Variants in CAPN1 observed in about 807,000 individuals in gnomAD.
The protein encoded by CAPN1 is calpain-1 catalytic subunit.
In CAPN1, 77 loss-of-function variants were observed where a neutral mutation model predicts 105.2. The ratio of observed to expected loss-of-function variants is 0.73; its 90% CI spans 0.61 to 0.88. The LOEUF (loss-of-function observed/expected upper bound fraction) is 0.88, where lower values mean the gene tolerates loss of function less well. Ranked by LOEUF, CAPN1 falls within the 40% of genes least tolerant of loss-of-function variation. The pLI, the probability that CAPN1 is intolerant of heterozygous loss-of-function variation, is 0.00. For missense variants in CAPN1, 833 were observed against 976.6 expected (o/e 0.85, Z 1.96); for synonymous variants, 355 against 388.8 (o/e 0.91, Z 1.02).
chr11:65,182,656 G>T (rs1209506787), intron 1 of CAPN1, 45 bp from the exon 2 acceptor site: 2 of 1,471,088 alleles, frequency 1.4e-6, no homozygotes, highest in Admixed American at 2.5e-5. Flanking sequence ...CCAGGTTCTA[G>T]TCTTGGGAAG....
intron 10 of CAPN1, among the ~76,000 whole-genome samples, chr11:65,193,644 C>CAAAA (rs34729975): frequency 2.9e-4 from 17 of 58,458 alleles, no homozygotes; most frequent in East Asian, 6.7e-4. Flanking sequence ...GACTCTGTCT[C>CAAAA]AAAAAAAAAA....
chr11:65,206,597 G>T lies in CAPN1; in HGVS notation c.1488G>T (p.Val496=), dbSNP rs1214393911. 1.9e-6 allele frequency: 3 copies of T among 1,613,334 alleles called. No homozygotes were observed. The African/African-American group carries it at 4.0e-5, about 22-fold the overall frequency. The change falls in exon 13 of 22, where the codon GTG becomes GTT. Residue 496 remains valine, a synonymous_variant. Coordinates refer to ENST00000279247, the MANE Select transcript of CAPN1 (RefSeq NM_005186.4). Reference sequence around the variant, plus strand: ...GCCTGCCACCCGGGGAGTATGTGGTGGTGCCCTCCACCTTCGAGCCCAACA... The same window carrying T: ...GCCTGCCACCCGGGGAGTATGTGGTTGTGCCCTCCACCTTCGAGCCCAACA... ...RFRLPPGEYV[V]VPSTFEPNKE... is the part of the protein sequence containing the mutation.
At chr11:65,182,304 G>C in intron 1 of CAPN1, 1 of 172,464 alleles carries the variant, frequency 5.8e-6, no homozygotes, top group Non-Finnish European at 1.2e-5. Context: ...TGCACCAGGA[G>C]CTTGGTTAGT....
chr11:65,184,334 C>A (rs1293982975), intron 4 of CAPN1, among the ~76,000 whole-genome samples: 1 of 152,202 alleles, frequency 6.6e-6, no homozygotes, highest in Non-Finnish European at 1.5e-5. Flanking sequence ...CAGCGCCACA[C>A]CCACCTGCTC....
intron 10 of CAPN1, among the ~76,000 whole-genome samples, chr11:65,190,862 G>A (rs1948710921): frequency 6.6e-6 from 1 of 151,982 alleles, no homozygotes; most frequent in African/African-American, 2.4e-5. Context: ...ACAGGTGCCC[G>A]CCACCACATC....
rs61489102 is a variant in CAPN1, at chr11:65,202,324, T to A, written c.1166-2359T>A. 6.4e-4 allele frequency among the ~76,000 whole-genome samples: 97 copies of A among 152,352 alleles called. 1 individual carries two copies. In the East Asian group the frequency reaches 0.016, roughly 25 times the overall value. On this transcript the variant is annotated intron_variant, in intron 10 of 21. Coordinates refer to ENST00000279247, the MANE Select transcript of CAPN1 (RefSeq NM_005186.4). ...TTCTATTTTTTAAAAATATCTTTATTGATACTTAATTCACATACCATACAA... is the reference window on the plus strand; with the variant it reads ...TTCTATTTTTTAAAAATATCTTTATAGATACTTAATTCACATACCATACAA...
rs1164222426 is a variant in CAPN1 at position 65,209,500 on chromosome 11, GAC to G, written c.1794+119_1794+120del. 1.2e-5 allele frequency: 11 copies of G among 896,612 alleles called. No individual in the cohort carries two copies. Among genetic ancestry groups the G allele is most frequent in the Middle Eastern group, 2.2e-4 (1 of 4,632 alleles). The allele number at this position is 896,612 out of a possible 1,614,324, so 55.5% of individuals were successfully genotyped here. ...ACAGGACAGAGCCATGCGGAGTGTG[GAC>G]ACACAGTGCCCCATGCTCAGATGTC... On this transcript the variant is annotated intron_variant, in intron 17 of 21. Coordinates refer to ENST00000279247, the MANE Select transcript of CAPN1 (RefSeq NM_005186.4). The surrounding 1 kb of genome is among the most constrained non-coding windows in gnomAD (Gnocchi z 4.1).
intron 10 of CAPN1, among the ~76,000 whole-genome samples, chr11:65,201,822 TTTTTG>T (rs773505153): frequency 1.2e-4 from 16 of 133,260 alleles, no homozygotes; most frequent in Admixed American, 4.5e-4. Flanking sequence ...CCGGCTTTTG[TTTTTG>T]TTTTTTTTTT....
chr11:65,184,439 ACT>A (rs17883638), intron 4 of CAPN1, among the ~76,000 whole-genome samples: 16,493 of 148,410 alleles, frequency 0.11, 1,009 homozygotes, highest in East Asian at 0.23. Context: ...CGCCACCCAC[ACT>A]CTCCGCAACC....
Position 65,187,261 on chromosome 11 carries a change from T to C in CAPN1, c.806T>C (p.Val269Ala), listed in dbSNP as rs375516742. Residue 269 changes from valine (V) to alanine (A), a missense_variant, in exon 7 of 22, where the codon GTG becomes GCG. Transcript: ENST00000279247. Reference sequence around the variant, plus strand: ...GAGGCCATCACTTTCAAGAAGTTGGTGAAGGGCCATGCCTACTCTGTGACC... The same window carrying C: ...GAGGCCATCACTTTCAAGAAGTTGGCGAAGGGCCATGCCTACTCTGTGACC... The part of the protein sequence containing the change: ...DMEAITFKKL[V>A]KGHAYSVTGA... 1.9e-5 allele frequency: 30 copies of C among 1,613,422 alleles called. No individual in the cohort carries two copies. The highest frequency in any genetic ancestry group is 2.3e-5 in the Non-Finnish European group (27 of 1,179,612).
At chr11:65,191,692 T>C (rs1453247968) in intron 10 of CAPN1, among the ~76,000 whole-genome samples, 1 of 152,206 alleles carries the variant, frequency 6.6e-6, no homozygotes, top group Non-Finnish European at 1.5e-5. Flanking sequence ...GGTTTTCTAA[T>C]TAGGAATATA....
At chr11:65,192,826 C>T (rs576302066) in intron 10 of CAPN1, among the ~76,000 whole-genome samples, 2 of 151,896 alleles carry the variant, frequency 1.3e-5, no homozygotes, top group Admixed American at 6.6e-5. Context: ...AGGCTTATCT[C>T]GAATTCCTGG....
chr11:65,207,494 C>T (rs1948979006), intron 14 of CAPN1, among the ~76,000 whole-genome samples: 1 of 151,774 alleles, frequency 6.6e-6, no homozygotes, highest in Non-Finnish European at 1.5e-5. Context: ...GCCACCGCAC[C>T]TGGCCCAAAC....
chr11:65,188,245 C>G lies in CAPN1; in HGVS notation c.930-169C>G. On this transcript the variant is annotated intron_variant, in intron 8 of 21. Transcript: ENST00000279247. This position sits in a 1 kb window ranked among gnomAD's most constrained non-coding sequence, Gnocchi z 5.5. ...CAGCCGTCGGGTGTGTGCAGGGCAT[C>G]AGACTGGCCCTGATGAGACCACCCC... The G allele has an allele frequency of 1.4e-6, 1 of 696,444 alleles. No homozygotes were observed. Among genetic ancestry groups the G allele is most frequent in the Non-Finnish European group, 2.4e-6 (1 of 416,136 alleles). The allele number at this position is 696,444 out of a possible 1,614,324, so 43.1% of individuals were successfully genotyped here.
Position 65,210,106 on chromosome 11 carries a change from C to T in CAPN1, c.1942+10C>T. The stretch of plus-strand genomic sequence containing the variant: ...GCCATTGAGTCGGCAGGTGAGACTC[C>T]AAGGCTGACGGCACCTGTGGGGCCC... On this transcript the variant is annotated intron_variant, in intron 19 of 21. Coordinates refer to ENST00000279247, the MANE Select transcript of CAPN1 (RefSeq NM_005186.4). The surrounding 1 kb of genome is among the most constrained non-coding windows in gnomAD (Gnocchi z 4.3). 6.2e-7 allele frequency: 1 copy of T among 1,608,598 alleles called. No homozygotes were observed. Among genetic ancestry groups the T allele is most frequent in the Non-Finnish European group, 8.5e-7 (1 of 1,176,458 alleles).
At chr11:65,202,031 G>A (rs983085569) in intron 10 of CAPN1, among the ~76,000 whole-genome samples, 2 of 150,758 alleles carry the variant, frequency 1.3e-5, no homozygotes, top group Non-Finnish European at 2.9e-5. Context: ...TACCATGTTG[G>A]CCAGGCTGGT....
At chr11:65,189,489 A>G (rs1448246563) in intron 10 of CAPN1, among the ~76,000 whole-genome samples, 1 of 151,826 alleles carries the variant, frequency 6.6e-6, no homozygotes, top group African/African-American at 2.4e-5. Context: ...TCTTGCAAAC[A>G]CCCGCTCTCT....
intron 4 of CAPN1, among the ~76,000 whole-genome samples, chr11:65,184,064 AC>A (rs1479190167): frequency 1.3e-5 from 2 of 152,100 alleles, no homozygotes. Flanking sequence ...GCTTTTCCTG[AC>A]GGTGTGCCCA....
In CAPN1 at chr11:65,210,504, C is replaced by T; in HGVS notation, c.2059+52C>T. The T allele has an allele frequency of 9.0e-7, 1 of 1,106,370 alleles. No homozygotes were observed. The highest frequency in any genetic ancestry group is 1.4e-6 in the Non-Finnish European group (1 of 732,976). 68.5% of individuals were successfully genotyped at this position (1,106,370 alleles called of 1,614,324 possible). A position where few individuals can be genotyped will look rare whatever the true frequency, so the allele number is the denominator to read the frequency against. ...CTCCAGCTCCGTCCCAAACGCGTCCCCCAGGAGCTGGGGGGAATGACAGAT... is the reference window on the plus strand; with the variant it reads ...CTCCAGCTCCGTCCCAAACGCGTCCTCCAGGAGCTGGGGGGAATGACAGAT... On this transcript the variant is annotated intron_variant, in intron 20 of 21. Coordinates refer to ENST00000279247, the MANE Select transcript of CAPN1 (RefSeq NM_005186.4). The surrounding 1 kb of genome is among the most constrained non-coding windows in gnomAD (Gnocchi z 4.3).
Sources: allele counts gnomAD v4.1 joint callset (sites outside exome capture counted in the v4.1 genomes callset), GRCh38; gene constraint gnomAD v4.1.1; non-coding constraint Gnocchi (gnomAD v3.1); transcripts MANE v1.5; gene names NCBI Gene and HGNC (gene_info 2026-07-23, HGNC 2026-07-21).